UXS1: variants seen among roughly 807,000 people sequenced by gnomAD.
UXS1 encodes the protein UDP-glucuronate decarboxylase 1.
UXS1 carries 33 observed loss-of-function variants against 62.6 expected under a neutral mutation model. That is an observed-to-expected ratio of 0.53 (90% CI 0.40 to 0.70). The LOEUF (loss-of-function observed/expected upper bound fraction) is 0.70. Among genes scored for constraint, UXS1 ranks in the 30% least tolerant of loss-of-function variants. UXS1 has a pLI of 0.00. For synonymous variants in UXS1, 213 were observed against 206.8 expected (o/e 1.03, Z -0.26); for missense variants, 434 against 556.3 (o/e 0.78, Z 2.21).
At chr2:106,123,495 G>C (rs899196757) in intron 8 of UXS1, among the ~76,000 whole-genome samples, 1 of 152,100 alleles carries the variant, frequency 6.6e-6, no homozygotes, top group Non-Finnish European at 1.5e-5. Context: ...AATGAAAAAC[G>C]CAGCATCTCT....
Position 106,145,181 on chromosome 2 carries a change from T to C in UXS1, c.472+9A>G. 1 of 1,611,586 alleles carries C rather than the reference T, an allele frequency of 6.2e-7. No individual in the cohort carries two copies. Among genetic ancestry groups the C allele is most frequent in the Non-Finnish European group, 8.5e-7 (1 of 1,178,564 alleles). On this transcript the variant is annotated intron_variant, in intron 6 of 14. Coordinates refer to ENST00000283148, the MANE Select transcript of UXS1 (RefSeq NM_001253875.2). Reference sequence around the variant, plus strand: ...CTCTGAATAATAACAATGTGCAGTTTTCACTCACCCTCGATGTAGAGGGGC... The same window carrying C: ...CTCTGAATAATAACAATGTGCAGTTCTCACTCACCCTCGATGTAGAGGGGC...
intron 3 of UXS1, 103 bp downstream of exon 3, chr2:106,164,633 G>C (rs1327561862): frequency 7.8e-6 from 7 of 898,102 alleles, no homozygotes; most frequent in Non-Finnish European, 9.9e-6. Context: ...CAAAATCACA[G>C]AACAGCATCA....
chr2:106,093,815 A>C lies in UXS1; in HGVS notation c.*211T>G, dbSNP rs1192121147. On this transcript the variant is annotated 3_prime_UTR_variant, in exon 15 of 15. Coordinates refer to ENST00000283148, the MANE Select transcript of UXS1 (RefSeq NM_001253875.2). ...TGCATCTACGCTATTTTACATAAAAAGAGAGATTCAAAAAGTGCAAGGCAA... is the reference window on the plus strand; with the variant it reads ...TGCATCTACGCTATTTTACATAAAACGAGAGATTCAAAAAGTGCAAGGCAA... 1.8e-6 allele frequency: 1 copy of C among 561,222 alleles called. No homozygotes were observed. Among genetic ancestry groups the C allele is most frequent in the African/African-American group, 2.0e-5 (1 of 50,984 alleles). The allele number at this position is 561,222 out of a possible 1,614,324, so 34.8% of individuals were successfully genotyped here.
chr2:106,108,563 C>G (rs1328471633), intron 10 of UXS1, among the ~76,000 whole-genome samples: 4 of 152,280 alleles, frequency 2.6e-5, no homozygotes, highest in East Asian at 3.9e-4. Context: ...GTTCTTCTAA[C>G]AGAAGACAGT....
chr2:106,096,733 C>A lies in UXS1; in HGVS notation c.1131G>T (p.Leu377=). The change falls in exon 14 of 15, where the codon CTG becomes CTT. Residue 377 remains leucine (L), a synonymous_variant. Coordinates refer to ENST00000283148, the MANE Select transcript of UXS1 (RefSeq NM_001253875.2). The part of the protein sequence containing the change: ...KPDIKKAKLM[L]GWEPVVPLEE... The stretch of plus-strand genomic sequence containing the variant: ...CTGCACTTACCACGGGCTCCCACCC[C>A]AGCATCAGCTTTGCTTTTTTGATGT... 2 of 1,576,616 alleles carry A rather than the reference C, an allele frequency of 1.3e-6. No homozygotes were observed. Among genetic ancestry groups the A allele is most frequent in the East Asian group, 2.3e-5 (1 of 43,398 alleles).
chr2:106,125,545 C>A, intron 8 of UXS1, 75 bp downstream of exon 8: 1 of 1,378,980 alleles, frequency 7.3e-7, no homozygotes, highest in Non-Finnish European at 9.6e-7. Flanking sequence ...GAAAAGAACA[C>A]TGGACTCTTC....
At chr2:106,182,546 T>C (rs1684313190) in intron 1 of UXS1, among the ~76,000 whole-genome samples, 1 of 152,194 alleles carries the variant, frequency 6.6e-6, no homozygotes, top group Non-Finnish European at 1.5e-5. Flanking sequence ...CCTTTTCATT[T>C]TGTGTTCAAA....
intron 1 of UXS1, among the ~76,000 whole-genome samples, chr2:106,167,022 C>T (rs556671239): frequency 6.6e-6 from 1 of 152,322 alleles, no homozygotes; most frequent in South Asian, 2.1e-4. Context: ...GAGTGCCATC[C>T]TTTCTCAGCA....
chr2:106,104,901 G>C, intron 10 of UXS1, 64 bp from the exon 11 acceptor site: 1 of 1,598,522 alleles, frequency 6.3e-7, no homozygotes, highest in Non-Finnish European at 8.6e-7. Flanking sequence ...AGGTGTCCTT[G>C]AAACTCCAGG....
At chr2:106,139,192 C>CATT (rs1680896057) in intron 6 of UXS1, among the ~76,000 whole-genome samples, 1 of 152,080 alleles carries the variant, frequency 6.6e-6, no homozygotes, top group Non-Finnish European at 1.5e-5. Flanking sequence ...AAAGGCAGCC[C>CATT]ATTCATGGGT....
chr2:106,124,984 T>C (rs921712141), intron 8 of UXS1, among the ~76,000 whole-genome samples: 10 of 152,196 alleles, frequency 6.6e-5, no homozygotes, highest in Admixed American at 2.6e-4. Flanking sequence ...AGCTAAGCAG[T>C]TCTCCTGAAC....
At chr2:106,174,799 C>T (rs577059975) in intron 1 of UXS1, among the ~76,000 whole-genome samples, 1 of 152,176 alleles carries the variant, frequency 6.6e-6, no homozygotes, top group Non-Finnish European at 1.5e-5. Flanking sequence ...CATCCCACAG[C>T]GGAAGACAGG....
intron 10 of UXS1, among the ~76,000 whole-genome samples, chr2:106,110,944 TG>T (rs528696248): frequency 7.2e-5 from 11 of 152,228 alleles, no homozygotes; most frequent in African/African-American, 2.6e-4. Flanking sequence ...CAAGAATGCC[TG>T]GAAGAAAAGC....
chr2:106,129,317 C>G (rs992908364), intron 7 of UXS1, among the ~76,000 whole-genome samples: 2 of 152,172 alleles, frequency 1.3e-5, no homozygotes, highest in Non-Finnish European at 1.5e-5. Context: ...ATGAGGCATG[C>G]CACTTATCCT....
intron 11 of UXS1, among the ~76,000 whole-genome samples, chr2:106,103,273 G>A (rs775164176): frequency 1.5e-4 from 23 of 152,238 alleles, no homozygotes; most frequent in Non-Finnish European, 3.2e-4. Context: ...GATAATGAGA[G>A]CAGAAAGAAG....
Position 106,111,947 on chromosome 2 carries a change from G to T in UXS1, c.879+699C>A, listed in dbSNP as rs149446601. Among the ~76,000 whole-genome samples the T allele has an allele frequency of 5.5e-3, 840 of 152,314 alleles. 12 individuals are homozygous for T. The highest frequency in any genetic ancestry group is 0.019 in the African/African-American group (806 of 41,568). On this transcript the variant is annotated intron_variant, in intron 10 of 14. Transcript: ENST00000283148. The stretch of plus-strand genomic sequence containing the variant: ...AGGAGTGACCGGGGAGCTGGGGGTG[G>T]GAGGGAGGATTAGCAAAACCAAAGA...
chr2:106,169,434 T>C (rs1683404957), intron 1 of UXS1, among the ~76,000 whole-genome samples: 1 of 152,206 alleles, frequency 6.6e-6, no homozygotes, highest in Non-Finnish European at 1.5e-5. Flanking sequence ...CGGTGGCTTG[T>C]GCCTGTAATC....
At chr2:106,119,568 C>CA (rs957009754) in intron 9 of UXS1, among the ~76,000 whole-genome samples, 29 of 152,340 alleles carry the variant, frequency 1.9e-4, no homozygotes, top group African/African-American at 6.7e-4. Context: ...AGAGCATCCT[C>CA]AAACAATGTC....
At chr2:106,101,506 T>G (rs187442941) in intron 11 of UXS1, 2 of 178,246 alleles carry the variant, frequency 1.1e-5, no homozygotes, top group Non-Finnish European at 2.4e-5. Flanking sequence ...AGAAAATTCA[T>G]GTTTAATGTG....
Sources: gnomAD v4.1 joint callset for allele counts (sites outside exome capture counted in the v4.1 genomes callset) on GRCh38, gnomAD v4.1.1 for gene constraint, MANE v1.5 for transcripts, NCBI Gene and HGNC (gene_info 2026-07-23, HGNC 2026-07-21) for gene names.